The following IVNS1ABP variants were observed in gnomAD, a reference collection of about 807,000 sequenced individuals.
IVNS1ABP encodes the protein influenza virus NS1A binding protein.
A neutral mutation model predicts 78.9 loss-of-function variants in IVNS1ABP; 25 were observed. The ratio of observed to expected loss-of-function variants is 0.32; its 90% CI spans 0.23 to 0.44. IVNS1ABP has a LOEUF of 0.44. Ranked by LOEUF, IVNS1ABP falls within the 20% of genes least tolerant of loss-of-function variation. The pLI is 1.00. For missense variants in IVNS1ABP, 494 were observed against 768.9 expected (o/e 0.64, Z 4.23); for synonymous variants, 241 against 259.7 (o/e 0.93, Z 0.69).
chr1:185,309,791 T>TGAAGGGAAGG (rs151087648), intron 2 of IVNS1ABP, among the ~76,000 whole-genome samples: 1 of 152,096 alleles, frequency 6.6e-6, no homozygotes, highest in African/African-American at 2.4e-5. Flanking sequence ...AAATTCATTC[T>TGAAGGGAAGG]GAAGGGAAGG....
At position 185,298,401 on chromosome 1, in the gene IVNS1ABP, T is replaced by C. The variant is rs1665479372; in HGVS notation, c.1676-113A>G. 1.1e-6 allele frequency: 1 copy of C among 917,788 alleles called. No homozygotes were observed. The highest frequency in any genetic ancestry group is 1.6e-6 in the Non-Finnish European group (1 of 615,350). 56.9% of individuals were successfully genotyped at this position (917,788 alleles called of 1,614,324 possible). ...GTGGTTTTAAAAATAGAAATGCCTG[T>C]TCATTTTGTCAAAAAGAATTTATTA... On this transcript the variant is annotated intron_variant, in intron 14 of 14. Coordinates refer to ENST00000367498, the MANE Select transcript of IVNS1ABP (RefSeq NM_006469.5). This position sits in a 1 kb window ranked among gnomAD's most constrained non-coding sequence, Gnocchi z 4.1.
At position 185,305,623 on chromosome 1, in the gene IVNS1ABP, TGAG is replaced by T; in HGVS notation, c.675_677del (p.Tyr225_Ser226delinsTer). On this transcript the variant is annotated stop_gained and inframe_deletion, in exon 8 of 15. Coordinates refer to ENST00000367498, the MANE Select transcript of IVNS1ABP (RefSeq NM_006469.5). LOFTEE classifies it high-confidence loss of function. The surrounding 1 kb of genome is among the most constrained non-coding windows in gnomAD (Gnocchi z 4.0). ...TCCCATCAAGCAGCTTGTGATCAGCTGAGTAGTACAAGGTTTGAACCTGCAAAA... is the reference window on the plus strand; with the variant it reads ...TCCCATCAAGCAGCTTGTGATCAGCTTAGTACAAGGTTTGAACCTGCAAAA... 1 of 1,613,230 alleles carries T rather than the reference TGAG, an allele frequency of 6.2e-7. No homozygotes were observed. Among genetic ancestry groups the T allele is most frequent in the Non-Finnish European group, 8.5e-7 (1 of 1,179,516 alleles).
At position 185,301,344 on chromosome 1, in the gene IVNS1ABP, G is replaced by T. The variant is rs916971366; in HGVS notation, c.895+90C>A. ...TTAATTGCTTCTGAGTTTTTTCCTC[G>T]AGTAGTCAATTTAAGAGGTATTAAA... On this transcript the variant is annotated intron_variant, in intron 9 of 14. Coordinates refer to ENST00000367498, the MANE Select transcript of IVNS1ABP (RefSeq NM_006469.5). The T allele has an allele frequency of 6.0e-6, 9 of 1,502,216 alleles. No individual in the cohort carries two copies. In the East Asian group the frequency reaches 2.0e-4, roughly 34 times the overall value. 93.1% of individuals were successfully genotyped at this position (1,502,216 alleles called of 1,614,324 possible).
At chr1:185,311,351 A>G (rs1337838069) in intron 1 of IVNS1ABP, 29 bp from the exon 2 acceptor site, 1 of 396,628 alleles carries the variant, frequency 2.5e-6, no homozygotes, top group East Asian at 3.6e-5. Flanking sequence ...TAAGTTAGAT[A>G]TTCAGAATAA....
chr1:185,306,433 C>A, intron 7 of IVNS1ABP: 1 of 1,274,426 alleles, frequency 7.8e-7, no homozygotes, highest in African/African-American at 1.5e-5. Context: ...TGAACAACAC[C>A]ATTGAAAAAC....
At chr1:185,306,432 C>A in intron 7 of IVNS1ABP, 1 of 1,273,382 alleles carries the variant, frequency 7.9e-7, no homozygotes, top group Non-Finnish European at 1.0e-6. Flanking sequence ...ATGAACAACA[C>A]CATTGAAAAA....
At chr1:185,316,859 C>T in intron 1 of IVNS1ABP, 94 bp downstream of exon 1, 1 of 396,686 alleles carries the variant, frequency 2.5e-6, no homozygotes, top group Non-Finnish European at 4.4e-6. Flanking sequence ...CCGCGCCTCC[C>T]ACCCTCTTCC....
At chr1:185,304,770 A>G (rs1198435450) in intron 8 of IVNS1ABP, among the ~76,000 whole-genome samples, 1 of 152,198 alleles carries the variant, frequency 6.6e-6, no homozygotes, top group African/African-American at 2.4e-5. Flanking sequence ...CCGGGATGCT[A>G]GAAACCTCTT....
At chr1:185,307,179 C>A in intron 6 of IVNS1ABP, 40 bp from the exon 7 acceptor site, 1 of 1,603,060 alleles carries the variant, frequency 6.2e-7, no homozygotes, top group Non-Finnish European at 8.5e-7. Flanking sequence ...CAGTGTTGGG[C>A]TCCTAGTTCT....
At chr1:185,308,446 A>C (rs576252037) in intron 5 of IVNS1ABP, among the ~76,000 whole-genome samples, 2 of 152,330 alleles carry the variant, frequency 1.3e-5, no homozygotes, top group Admixed American at 1.3e-4. Flanking sequence ...TCTAGAAGGA[A>C]TACTTTTAGA....
Position 185,300,346 on chromosome 1 carries a change from A to T in IVNS1ABP, c.1243-3T>A. On this transcript the variant is annotated splice_polypyrimidine_tract_variant and splice_region_variant and intron_variant, in intron 11 of 14. Coordinates refer to ENST00000367498, the MANE Select transcript of IVNS1ABP (RefSeq NM_006469.5). ...CCACCTACCACATAGAGCTGGCCCT[A>T]TGCCAAAAGTGAGAGATGAGAATTT... 1 of 1,613,420 alleles carries T rather than the reference A, an allele frequency of 6.2e-7. No homozygotes were observed. The highest frequency in any genetic ancestry group is 8.5e-7 in the Non-Finnish European group (1 of 1,179,694).
In IVNS1ABP at chr1:185,309,519, A is replaced by G; in HGVS notation, c.-18-8T>C. On this transcript the variant is annotated splice_region_variant and splice_polypyrimidine_tract_variant and intron_variant, in intron 2 of 14. Transcript: ENST00000367498. ...TTTTCCTTATAAATTTGGCTAGATGATGAAAAGAAAGCTGAGTTATTTTAC... is the reference window on the plus strand; with the variant it reads ...TTTTCCTTATAAATTTGGCTAGATGGTGAAAAGAAAGCTGAGTTATTTTAC... 1.4e-6 allele frequency: 2 copies of G among 1,379,886 alleles called. No individual in the cohort carries two copies. Among genetic ancestry groups the G allele is most frequent in the Non-Finnish European group, 2.1e-6 (2 of 970,248 alleles). The allele number at this position is 1,379,886 out of a possible 1,614,324, so 85.5% of individuals were successfully genotyped here.
intron 8 of IVNS1ABP, 101 bp from the exon 9 acceptor site, chr1:185,301,664 A>G: frequency 7.6e-7 from 1 of 1,316,208 alleles, no homozygotes; most frequent in South Asian, 1.3e-5. Context: ...CTTCACCTAT[A>G]TATGACATTT....
chr1:185,316,168 AAAAG>A lies in IVNS1ABP; in HGVS notation c.-247+781_-247+784del, dbSNP rs546226458. 1.3e-3 allele frequency among the ~76,000 whole-genome samples: 199 copies of A among 152,338 alleles called. 1 individual carries two copies. The highest frequency in any genetic ancestry group is 4.5e-3 in the African/African-American group (188 of 41,584). ...ATCTTGCCACTGATTTCTTTCATAA[AAAAG>A]AAAGAGCGTCCCAGGCCTTCCTCCT... On this transcript the variant is annotated intron_variant, in intron 1 of 14. Coordinates refer to ENST00000367498, the MANE Select transcript of IVNS1ABP (RefSeq NM_006469.5).
rs1665518115 is a variant in IVNS1ABP at position 185,299,731 on chromosome 1, C to T, written c.1654G>A (p.Ala552Thr). Residue 552 changes from alanine (A) to threonine (T), a missense_variant, in exon 14 of 15, where the codon GCT becomes ACT. Physicochemically the swap from Ala to Thr is moderately conservative, Grantham distance 58 (BLOSUM62 0). Transcript: ENST00000367498. ...TCACCATTAAGAACAGCCACTCCAG[C>T]TCCTCGCCTAGCCACATTCATGGGT... ...IAPMNVARRG[A>T]GVAVLNGKLF... is the part of the protein sequence containing the mutation. 6.2e-7 allele frequency: 1 copy of T among 1,613,738 alleles called. No individual in the cohort carries two copies. Among genetic ancestry groups the T allele is most frequent in the East Asian group, 2.2e-5 (1 of 44,866 alleles).
rs139413490 is a variant in IVNS1ABP at position 185,301,991 on chromosome 1, C to A, written c.766-428G>T. Among the ~76,000 whole-genome samples the A allele has an allele frequency of 6.2e-4, 94 of 152,178 alleles. 1 individual carries two copies. In the East Asian group the frequency reaches 0.017, roughly 28 times the overall value. On this transcript the variant is annotated intron_variant, in intron 8 of 14. Transcript: ENST00000367498. ...GTCAAACCTAACTAAATCATATGTA[C>A]AGGTATCCTTCATACAATGCCAGCA... is the stretch of plus-strand genomic sequence containing the variant.
chr1:185,298,315 TC>T lies in IVNS1ABP; in HGVS notation c.1676-28del, dbSNP rs1317056908. ...TAAAAGAGAAATGAGATGGGGTAAA[TC>T]CAGAGATTAAAGTGTAATAAGGTAA... On this transcript the variant is annotated intron_variant, in intron 14 of 14. Coordinates refer to ENST00000367498, the MANE Select transcript of IVNS1ABP (RefSeq NM_006469.5). The surrounding 1 kb of genome is among the most constrained non-coding windows in gnomAD (Gnocchi z 4.1). The T allele has an allele frequency of 6.2e-7, 1 of 1,604,992 alleles. No homozygotes were observed. The highest frequency in any genetic ancestry group is 8.5e-7 in the Non-Finnish European group (1 of 1,174,340).
intron 8 of IVNS1ABP, among the ~76,000 whole-genome samples, chr1:185,303,033 A>G (rs1187457360): frequency 6.6e-6 from 1 of 152,100 alleles, no homozygotes; most frequent in Non-Finnish European, 1.5e-5. Context: ...AGAATAAAAA[A>G]TAAGGTTAGA....
chr1:185,308,060 A>T (rs1665786632), intron 5 of IVNS1ABP: 2 of 1,545,488 alleles, frequency 1.3e-6, no homozygotes, highest in Non-Finnish European at 1.7e-6. Context: ...TAACTAGGAA[A>T]TAGTTTTGGA....
Sources: allele counts gnomAD v4.1 joint callset (sites outside exome capture counted in the v4.1 genomes callset), GRCh38; gene constraint gnomAD v4.1.1; non-coding constraint Gnocchi (gnomAD v3.1); transcripts MANE v1.5; gene names NCBI Gene and HGNC (gene_info 2026-07-23, HGNC 2026-07-21).